MEGF11: variants seen among roughly 807,000 people sequenced by gnomAD.
MEGF11 encodes the protein multiple EGF like domains 11, also known as multiple epidermal growth factor-like domains protein 11.
MEGF11 carries 126 observed loss-of-function variants against 146.6 expected under a neutral mutation model. The observed-to-expected ratio is 0.86, with a 90% CI of 0.74 to 1.00. MEGF11 has a LOEUF of 1.00. MEGF11 is among the 50% of genes least tolerant of loss of function. The pLI, the probability that MEGF11 is intolerant of heterozygous loss-of-function variation, is 0.00. For missense variants in MEGF11, 1,509 were observed against 1,521.2 expected (o/e 0.99, Z 0.13); for synonymous variants, 532 against 583.4 (o/e 0.91, Z 1.27).
In MEGF11 at chr15:66,084,613, G is replaced by T. The variant is rs115242890; in HGVS notation, c.394+9789C>A. On this transcript the variant is annotated intron_variant, in intron 5 of 25. Transcript: ENST00000395614. ...AGGAGCTGAATCAAGTTAGAGAGCC[G>T]AGTAAAATACAGGGGTAGAGGAAGC... Among the ~76,000 whole-genome samples the T allele has an allele frequency of 5.9e-3, 893 of 152,286 alleles. 11 individuals carry two copies. Among genetic ancestry groups the T allele is most frequent in the African/African-American group, 0.02 (851 of 41,550 alleles).
At chr15:65,954,461 G>C (rs2080508597) in intron 10 of MEGF11, among the ~76,000 whole-genome samples, 1 of 152,166 alleles carries the variant, frequency 6.6e-6, no homozygotes, top group African/African-American at 2.4e-5. Flanking sequence ...TGCTGGTTGA[G>C]AACAATGAAC....
chr15:66,117,621 G>A (rs963311415), intron 4 of MEGF11, among the ~76,000 whole-genome samples: 1 of 152,114 alleles, frequency 6.6e-6, no homozygotes, highest in African/African-American at 2.4e-5. Flanking sequence ...GAGCTTGCGC[G>A]GGCCGCTTAC....
At chr15:65,945,565 C>T (rs552977798) in intron 10 of MEGF11, among the ~76,000 whole-genome samples, 4 of 152,248 alleles carry the variant, frequency 2.6e-5, no homozygotes, top group East Asian at 1.9e-4. Context: ...GGTAAAATGT[C>T]GGTGGCACCA....
intron 1 of MEGF11, among the ~76,000 whole-genome samples, chr15:66,235,494 T>G (rs1180592484): frequency 3.2e-5 from 4 of 124,990 alleles, no homozygotes; most frequent in Non-Finnish European, 5.1e-5. Flanking sequence ...AAAATAAGAC[T>G]CTGTCTCAAA....
intron 9 of MEGF11, among the ~76,000 whole-genome samples, chr15:65,958,842 C>G (rs1389779903): frequency 3.3e-5 from 5 of 152,196 alleles, no homozygotes; most frequent in Non-Finnish European, 7.3e-5. Flanking sequence ...AACTAACACA[C>G]CAAAGAAGTG....
intron 10 of MEGF11, among the ~76,000 whole-genome samples, chr15:65,948,019 G>A (rs989895181): frequency 4.4e-4 from 67 of 152,266 alleles, no homozygotes; most frequent in African/African-American, 1.4e-3. Context: ...GGGAAGGCTG[G>A]CCTCATCTTA....
intron 3 of MEGF11, among the ~76,000 whole-genome samples, chr15:66,122,905 T>C (rs1393639720): frequency 6.6e-6 from 1 of 152,124 alleles, no homozygotes; most frequent in Non-Finnish European, 1.5e-5. Context: ...TGCCTCAGCC[T>C]CCCTAGTAGC....
intron 1 of MEGF11, among the ~76,000 whole-genome samples, chr15:66,203,980 C>T (rs191814072): frequency 7.2e-5 from 11 of 152,048 alleles, no homozygotes; most frequent in East Asian, 3.9e-4. Flanking sequence ...TGGTGGTTCA[C>T]GCCTGTAATC....
chr15:66,079,526 C>A (rs1597060875), intron 5 of MEGF11, among the ~76,000 whole-genome samples: 1 of 127,358 alleles, frequency 7.9e-6, no homozygotes, highest in South Asian at 2.9e-4. Context: ...CACCTGGGAA[C>A]CTTCATTCAC....
rs572801225 is a variant in MEGF11, at chr15:66,141,233, G to GGT, written c.-8-12824_-8-12823dup. Among the ~76,000 whole-genome samples the GGT allele has an allele frequency of 7.4e-3, 721 of 97,216 alleles. 16 individuals carry two copies. Among genetic ancestry groups the GGT allele is most frequent in the African/African-American group, 0.022 (556 of 25,712 alleles). The allele number at this position is 97,216 out of a possible 152,430, so 63.8% of individuals were successfully genotyped here. On this transcript the variant is annotated intron_variant, in intron 1 of 25. Coordinates refer to ENST00000395614, the MANE Select transcript of MEGF11 (RefSeq NM_001385028.1). ...GATGTCTCTGTCCTGCAGACTCAGG[G>GGT]GTGTGTGTGTGTGTGTGTGTGTGTG...
At chr15:66,040,395 A>G (rs551511000) in intron 5 of MEGF11, 2 of 153,944 alleles carry the variant, frequency 1.3e-5, no homozygotes, top group South Asian at 2.1e-4. Context: ...TCGTCAGCAC[A>G]CTAAAACAAT....
intron 10 of MEGF11, among the ~76,000 whole-genome samples, chr15:65,941,455 A>C (rs2079988974): frequency 6.6e-6 from 1 of 152,122 alleles, no homozygotes; most frequent in South Asian, 2.1e-4. Flanking sequence ...CTCAAAAAAA[A>C]AAAATTCAGA....
intron 1 of MEGF11, among the ~76,000 whole-genome samples, chr15:66,157,593 C>A (rs983489721): frequency 6.6e-6 from 1 of 152,250 alleles, no homozygotes; most frequent in African/African-American, 2.4e-5. Flanking sequence ...TCCCTTTCTC[C>A]TGCACTAATG....
At chr15:66,128,593 C>A (rs2088497598) in intron 1 of MEGF11, among the ~76,000 whole-genome samples, 182 bp from the exon 2 acceptor site, 1 of 152,138 alleles carries the variant, frequency 6.6e-6, no homozygotes, top group Non-Finnish European at 1.5e-5. Context: ...AGGAAAAAGT[C>A]CAAATTCTAG....
Position 66,123,901 on chromosome 15 carries a change from G to GT in MEGF11, c.197dup (p.His66GlnfsTer6). Reference sequence around the variant, plus strand: ...CATCATCTGAGAGAGGTACTCACCGGTGCCTGGTGCACTTGAACCAGTTGA... The same window carrying GT: ...CATCATCTGAGAGAGGTACTCACCGGTTGCCTGGTGCACTTGAACCAGTTGA... On this transcript the variant is annotated frameshift_variant, in exon 3 of 26. Transcript: ENST00000395614. LOFTEE classifies it high-confidence loss of function. 6.2e-7 allele frequency: 1 copy of GT among 1,612,374 alleles called. No individual in the cohort carries two copies. Among genetic ancestry groups the GT allele is most frequent in the Non-Finnish European group, 8.5e-7 (1 of 1,178,354 alleles).
chr15:66,246,353 G>A (rs1212608626), intron 1 of MEGF11, among the ~76,000 whole-genome samples: 1 of 152,240 alleles, frequency 6.6e-6, no homozygotes, highest in Admixed American at 6.5e-5. Context: ...TACCTGCTCA[G>A]GTTTTGAGCC....
At position 66,141,233 on chromosome 15, in the gene MEGF11, GGTGTGTGTGTGTGTGT is replaced by G. The variant is rs572801225; in HGVS notation, c.-8-12838_-8-12823del. ...GATGTCTCTGTCCTGCAGACTCAGG[GGTGTGTGTGTGTGTGT>G]GTGTGTGTGTGTGTGTGTGTGTGTG... On this transcript the variant is annotated intron_variant, in intron 1 of 25. Transcript: ENST00000395614. Among the ~76,000 whole-genome samples the G allele has an allele frequency of 8.6e-3, 839 of 97,236 alleles. 14 individuals carry two copies. Among genetic ancestry groups the G allele is most frequent in the African/African-American group, 0.027 (701 of 25,734 alleles). The allele number at this position is 97,236 out of a possible 152,430, so 63.8% of individuals were successfully genotyped here. A position where few individuals can be genotyped will look rare whatever the true frequency, so the allele number is the denominator to read the frequency against.
intron 1 of MEGF11, among the ~76,000 whole-genome samples, chr15:66,176,367 T>C (rs923061820): frequency 8.5e-5 from 13 of 152,272 alleles, no homozygotes; most frequent in Admixed American, 5.9e-4. Context: ...CCCATGTCTA[T>C]TGCAGCACTG....
At chr15:65,938,345 G>C (rs1212732004) in intron 10 of MEGF11, among the ~76,000 whole-genome samples, 1 of 152,230 alleles carries the variant, frequency 6.6e-6, no homozygotes, top group Non-Finnish European at 1.5e-5. Flanking sequence ...GATGCTAACA[G>C]CCTAAATGTG....
Sources: allele counts gnomAD v4.1 joint callset (sites outside exome capture counted in the v4.1 genomes callset), GRCh38; gene constraint gnomAD v4.1.1; transcripts MANE v1.5; gene names NCBI Gene and HGNC (gene_info 2026-07-23, HGNC 2026-07-21).